Variants in MET observed in about 807,000 individuals in gnomAD.
MET encodes the protein MET proto-oncogene, receptor tyrosine kinase, also known as hepatocyte growth factor receptor.
In MET, 48 loss-of-function variants were observed where a neutral mutation model predicts 133.1. The ratio of observed to expected loss-of-function variants is 0.36; its 90% CI spans 0.29 to 0.46. The LOEUF (loss-of-function observed/expected upper bound fraction) is 0.46. Among genes scored for constraint, MET ranks in the 20% least tolerant of loss-of-function variants. The pLI, the probability that MET is intolerant of heterozygous loss-of-function variation, is 1.00. For synonymous variants in MET, 628 were observed against 616.5 expected (o/e 1.02, Z -0.28); for missense variants, 1,442 against 1,695.9 (o/e 0.85, Z 2.63).
In MET at chr7:116,739,981, C is replaced by T. The variant is rs1793380035; in HGVS notation, c.1424C>T (p.Pro475Leu). ...GTTTCTCGATCAGGACCATCAACCC[C>T]TCATGTGAATTTTCTCCTGGACTCC... ...VVVSRSGPST[P>L]HVNFLLDSHP... The change falls in exon 4 of 21, where the codon CCT (proline) becomes CTT (leucine). Residue 475 changes from proline (P) to leucine (L), a missense_variant. Around this residue, in one of 6 missense-constraint regions of MET, gnomAD observed 762 missense variants for 792.4 expected, o/e 0.96. Transcript: ENST00000397752. The T allele has an allele frequency of 1.2e-6, 2 of 1,614,088 alleles. No individual in the cohort carries two copies. Among genetic ancestry groups the T allele is most frequent in the Non-Finnish European group, 8.5e-7 (1 of 1,179,996 alleles).
At chr7:116,689,469 A>T (rs985758632) in intron 1 of MET, among the ~76,000 whole-genome samples, 3 of 152,056 alleles carry the variant, frequency 2.0e-5, no homozygotes, top group Admixed American at 2.0e-4. Flanking sequence ...CTTATACTAA[A>T]CAAATTATCC....
rs748950533 is a variant in MET at position 116,769,719 on chromosome 7, C to A, written c.2658C>A (p.His886Gln). ...GAAATAAGAGCTGTGAGAATATACA[C>A]TTACATTCTGAAGCCGTTTTATGCA... Reference protein sequence around the residue: ...KVGNKSCENIHLHSEAVLCTV... With the variant: ...KVGNKSCENIQLHSEAVLCTV... The change falls in exon 12 of 21, where the codon CAC (histidine) becomes CAA (glutamine). Residue 886 changes from histidine to glutamine, a missense_variant. Physicochemically the swap from His to Gln is conservative, Grantham distance 24. This residue lies in a region of MET where 514 missense variants were observed against 659.6 expected (regional missense o/e 0.78). Coordinates refer to ENST00000397752, the MANE Select transcript of MET (RefSeq NM_000245.4). 7 of 1,612,918 alleles carry A rather than the reference C, an allele frequency of 4.3e-6. No homozygotes were observed. In the African/African-American group the frequency reaches 8.0e-5, roughly 19 times the overall value.
At chr7:116,686,749 T>G (rs929676740) in intron 1 of MET, among the ~76,000 whole-genome samples, 4 of 152,218 alleles carry the variant, frequency 2.6e-5, no homozygotes, top group African/African-American at 9.7e-5. Context: ...AGCCTAATCT[T>G]ATACCTTTTT....
intron 2 of MET, among the ~76,000 whole-genome samples, chr7:116,718,761 C>A (rs920231551): frequency 2.0e-5 from 3 of 149,200 alleles, no homozygotes; most frequent in East Asian, 2.0e-4. Context: ...TTTGTTCTTG[C>A]AATAGTTTAC....
chr7:116,761,386 GTACTT>G (rs1562924669), intron 10 of MET, among the ~76,000 whole-genome samples: 1 of 152,070 alleles, frequency 6.6e-6, no homozygotes, highest in Non-Finnish European at 1.5e-5. Flanking sequence ...TTTGTGAAAA[GTACTT>G]TATAAGGAGA....
In MET at chr7:116,759,389, A is replaced by C. The variant is rs1397775000; in HGVS notation, c.2265-2A>C. On this transcript the variant is annotated splice_acceptor_variant, in intron 9 of 20. Transcript: ENST00000397752. LOFTEE classifies it high-confidence loss of function. ...TGTCAGTTTTCTATTTTGCTTTGCC[A>C]GTGGTGGGAGCACAATAACAGGTGT... 6.2e-7 allele frequency: 1 copy of C among 1,613,224 alleles called. No homozygotes were observed. The highest frequency in any genetic ancestry group is 8.5e-7 in the Non-Finnish European group (1 of 1,179,672).
At chr7:116,740,154 C>A (rs2116829464) in intron 4 of MET, 70 bp downstream of exon 4, 1 of 1,569,700 alleles carries the variant, frequency 6.4e-7, no homozygotes, top group South Asian at 1.1e-5. Flanking sequence ...ACCAGTGTCA[C>A]TTGGCCCTTT....
intron 19 of MET, among the ~76,000 whole-genome samples, chr7:116,786,725 G>A (rs1795326376): frequency 6.6e-6 from 1 of 152,210 alleles, no homozygotes; most frequent in Admixed American, 6.5e-5. Context: ...AACATTTGAT[G>A]TTTCAGTCCT....
intron 2 of MET, among the ~76,000 whole-genome samples, chr7:116,706,966 C>T (rs2116638865): frequency 6.7e-6 from 1 of 149,094 alleles, no homozygotes; most frequent in South Asian, 2.1e-4. Context: ...CTGCTAATTA[C>T]ATATTTTTTT....
At chr7:116,687,183 A>T (rs755972463) in intron 1 of MET, among the ~76,000 whole-genome samples, 18 of 152,078 alleles carry the variant, frequency 1.2e-4, no homozygotes, top group Non-Finnish European at 2.4e-4. Context: ...TATACACACA[A>T]CCTGCCCTGA....
intron 2 of MET, among the ~76,000 whole-genome samples, chr7:116,721,834 G>A (rs1264844178): frequency 3.9e-5 from 6 of 152,172 alleles, no homozygotes; most frequent in East Asian, 1.9e-4. Flanking sequence ...GTTTGATTGT[G>A]CTGTGGTCTG....
intron 19 of MET, 138 bp from the exon 20 acceptor site, chr7:116,795,517 T>G: frequency 2.7e-6 from 3 of 1,099,980 alleles, no homozygotes; most frequent in Non-Finnish European, 4.1e-6. Context: ...AATAATTGCC[T>G]TTAAGAAAAT....
intron 1 of MET, among the ~76,000 whole-genome samples, chr7:116,684,908 G>C (rs148861260): frequency 6.6e-6 from 1 of 152,330 alleles, no homozygotes; most frequent in African/African-American, 2.4e-5. Context: ...AATGGAGAGG[G>C]AAGACCAGCG....
intron 16 of MET, among the ~76,000 whole-genome samples, chr7:116,777,887 A>G (rs1795042938): frequency 6.6e-6 from 1 of 152,258 alleles, no homozygotes; most frequent in African/African-American, 2.4e-5. Context: ...AAATGAAATA[A>G]GACAAACAGG....
chr7:116,790,129 A>T (rs1795438688), intron 19 of MET, among the ~76,000 whole-genome samples: 1 of 152,200 alleles, frequency 6.6e-6, no homozygotes, highest in African/African-American at 2.4e-5. Context: ...AAAAGACATG[A>T]TCTTGTTCCT....
intron 8 of MET, 98 bp downstream of exon 8, chr7:116,757,872 A>G (rs1794250761): frequency 7.4e-7 from 1 of 1,353,704 alleles, no homozygotes; most frequent in Non-Finnish European, 1.0e-6. Context: ...GTGGAGAAGA[A>G]AAATCAAGAT....
chr7:116,751,711 A>T (rs1793927875), intron 5 of MET, among the ~76,000 whole-genome samples: 1 of 152,168 alleles, frequency 6.6e-6, no homozygotes, highest in South Asian at 2.1e-4. Context: ...CAGAAAAGGG[A>T]GAGCACTTTT....
At chr7:116,686,112 A>G (rs539058009) in intron 1 of MET, among the ~76,000 whole-genome samples, 1 of 152,014 alleles carries the variant, frequency 6.6e-6, no homozygotes, top group East Asian at 1.9e-4. Flanking sequence ...AGGTGAATAC[A>G]TTCCAACATA....
chr7:116,724,769 C>T, intron 2 of MET: 1 of 1,255,024 alleles, frequency 8.0e-7, no homozygotes, highest in Non-Finnish European at 1.0e-6. Context: ...TCTCCCTTTA[C>T]AGGCAGAAAA....
Sources: allele counts gnomAD v4.1 joint callset (sites outside exome capture counted in the v4.1 genomes callset), GRCh38; gene constraint gnomAD v4.1.1; regional missense constraint gnomAD v4.1.1; transcripts MANE v1.5; gene names NCBI Gene and HGNC (gene_info 2026-07-23, HGNC 2026-07-21).